The following PCDHGA1 variants were observed in gnomAD, a reference collection of about 807,000 sequenced individuals.
PCDHGA1 encodes the protein protocadherin gamma-A1.
Under a neutral mutation model 58.0 loss-of-function variants are expected in PCDHGA1, and 32 were observed. The observed-to-expected ratio is 0.55, with a 90% CI of 0.42 to 0.74. The LOEUF (loss-of-function observed/expected upper bound fraction) is 0.74. PCDHGA1 is among the 30% of genes least tolerant of loss of function. The probability of loss-of-function intolerance (pLI) is 0.00; values close to 1 mark genes in which losing one functional copy is unlikely to be tolerated. For synonymous variants in PCDHGA1, 498 were observed against 501.1 expected (o/e 0.99, Z 0.08); for missense variants, 1,205 against 1,182.3 (o/e 1.02, Z -0.28).
chr5:141,361,949 C>A lies in PCDHGA1; in HGVS notation c.2421+28844C>A, dbSNP rs202129585. Reference sequence around the variant, plus strand: ...GACTCAGGACACAACGCTTGGCTGTCCTACCACGTGCTGCAGGCCAGCGAG... The same window carrying A: ...GACTCAGGACACAACGCTTGGCTGTACTACCACGTGCTGCAGGCCAGCGAG... On this transcript the variant is annotated intron_variant, in intron 1 of 3. Coordinates refer to ENST00000517417, the MANE Select transcript of PCDHGA1 (RefSeq NM_018912.3). 3.8e-3 allele frequency: 6,045 copies of A among 1,604,150 alleles called. 134 individuals carry two copies. The South Asian group carries it at 0.045, about 12-fold the overall frequency.
chr5:141,505,507 A>G, intron 3 of PCDHGA1, 26 bp downstream of exon 3: 1 of 1,614,004 alleles, frequency 6.2e-7, no homozygotes, highest in South Asian at 1.1e-5. Flanking sequence ...GTGTGTATGG[A>G]AGAGTGGGAG....
At chr5:141,465,767 T>A (rs1427458413) in intron 1 of PCDHGA1, among the ~76,000 whole-genome samples, 1 of 152,016 alleles carries the variant, frequency 6.6e-6, no homozygotes, top group Non-Finnish European at 1.5e-5. Context: ...TCATGTTTCA[T>A]CTCTTGTTAC....
chr5:141,352,127 C>A (rs953232371), intron 1 of PCDHGA1: 2 of 1,610,122 alleles, frequency 1.2e-6, no homozygotes, highest in Non-Finnish European at 1.7e-6. Context: ...GGGTGAGGTG[C>A]GCACAGCGCG....
Position 141,331,327 on chromosome 5 carries a change from T to C in PCDHGA1, c.643T>C (p.Ser215Pro), listed in dbSNP as rs116468502. Residue 215 changes from serine (S) to proline (P), a missense_variant, in exon 1 of 4, where the codon TCT becomes CCT. Coordinates refer to ENST00000517417, the MANE Select transcript of PCDHGA1 (RefSeq NM_018912.3). Reference sequence around the variant, plus strand: ...TGTCCACCACCTCATCCTCACAGCTTCTGATGGGGGTGAACCAGTCCGTTC... The same window carrying C: ...TGTCCACCACCTCATCCTCACAGCTCCTGATGGGGGTGAACCAGTCCGTTC... ...EAVHHLILTA[S>P]DGGEPVRSGT... The C allele has an allele frequency of 6.2e-6, 10 of 1,614,030 alleles. No individual in the cohort carries two copies. In the Admixed American group the frequency reaches 1.3e-4, roughly 22 times the overall value.
chr5:141,389,208 G>A (rs762367131), intron 1 of PCDHGA1: 7 of 1,613,930 alleles, frequency 4.3e-6, no homozygotes, highest in Non-Finnish European at 5.9e-6. Context: ...GCACATTGGT[G>A]ATGTAAATGA....
intron 1 of PCDHGA1, chr5:141,412,334 T>C (rs371361193): frequency 2.0e-5 from 3 of 152,262 alleles, no homozygotes; most frequent in Admixed American, 1.3e-4. Flanking sequence ...GCAACTGTAA[T>C]ATATGTTCAT....
intron 1 of PCDHGA1, among the ~76,000 whole-genome samples, chr5:141,469,212 G>A (rs114294512): frequency 0.021 from 3,174 of 151,360 alleles, 54 homozygotes; most frequent in Non-Finnish European, 0.032. Flanking sequence ...TTGAAGTTGA[G>A]GCTTCAGTGA....
chr5:141,332,165 A>T lies in PCDHGA1; in HGVS notation c.1481A>T (p.Asp494Val), dbSNP rs146367786. The T allele has an allele frequency of 6.2e-7, 1 of 1,614,170 alleles. No homozygotes were observed. Among genetic ancestry groups the T allele is most frequent in the South Asian group, 1.1e-5 (1 of 91,076 alleles). The change falls in exon 1 of 4, where the codon GAC becomes GTC. Residue 494 changes from aspartate to valine, a missense_variant. Transcript: ENST00000517417. This position sits in a 1 kb window ranked among gnomAD's most constrained non-coding sequence, Gnocchi z 4.6. ...CAAATCACTTACTCCCTAATAGAGG[A>T]CACTATCCAGGGGGCACCCCTATCT... ...NAQITYSLIE[D>V]TIQGAPLSAY...
intron 1 of PCDHGA1, chr5:141,408,696 A>G (rs768439069): frequency 6.2e-7 from 1 of 1,613,648 alleles, no homozygotes; most frequent in East Asian, 2.2e-5. Context: ...ATAAACATAA[A>G]CTCAATTAAA....
intron 1 of PCDHGA1, among the ~76,000 whole-genome samples, chr5:141,373,006 G>GCCT (rs775944130): frequency 4.6e-5 from 7 of 152,146 alleles, no homozygotes; most frequent in Non-Finnish European, 8.8e-5. Context: ...TTCATAGAAA[G>GCCT]CCTCCTTTTG....
At position 141,486,637 on chromosome 5, in the gene PCDHGA1, G is replaced by C. The variant is rs761072169; in HGVS notation, c.2422-8170G>C. 28 of 1,613,638 alleles carry C rather than the reference G, an allele frequency of 1.7e-5. No homozygotes were observed. The highest frequency in any genetic ancestry group is 1.1e-5 in the Non-Finnish European group (13 of 1,180,034). ...CTGACCCAGACTCTGGCTTGAATGC[G>C]CTTATCTCCTACTCACTCCTGGAGC... On this transcript the variant is annotated intron_variant, in intron 1 of 3. Transcript: ENST00000517417. This position sits in a 1 kb window ranked among gnomAD's most constrained non-coding sequence, Gnocchi z 5.0.
rs534304763 is a variant in PCDHGA1 at position 141,394,533 on chromosome 5, G to T, written c.2421+61428G>T. 2 of 1,614,092 alleles carry T rather than the reference G, an allele frequency of 1.2e-6. No individual in the cohort carries two copies. The highest frequency in any genetic ancestry group is 3.3e-5 in the Admixed American group (2 of 60,014). On this transcript the variant is annotated intron_variant, in intron 1 of 3. Transcript: ENST00000517417. Reference sequence around the variant, plus strand: ...CGCCCTCCCCACAGACGGTTCCACTGGCGTGGAGCTGGCGCCCCGCTCCGC... The same window carrying T: ...CGCCCTCCCCACAGACGGTTCCACTTGCGTGGAGCTGGCGCCCCGCTCCGC...
intron 1 of PCDHGA1, chr5:141,391,295 G>A (rs1373471979): frequency 6.6e-6 from 1 of 151,134 alleles, no homozygotes; most frequent in Non-Finnish European, 1.5e-5. Context: ...AGAAGGAAAC[G>A]TCTTTCGATT....
rs1340147578 is a variant in PCDHGA1, at chr5:141,487,141, T to C, written c.2422-7666T>C. On this transcript the variant is annotated intron_variant, in intron 1 of 3. Transcript: ENST00000517417. This position sits in a 1 kb window ranked among gnomAD's most constrained non-coding sequence, Gnocchi z 5.0. ...AGGATAGTGGTAGTCCACCACTCTCTACCTCTGTTACTCTCTTAGTGTCCT... is the reference window on the plus strand; with the variant it reads ...AGGATAGTGGTAGTCCACCACTCTCCACCTCTGTTACTCTCTTAGTGTCCT... The C allele has an allele frequency of 1.2e-6, 2 of 1,613,882 alleles. No individual in the cohort carries two copies. Among genetic ancestry groups the C allele is most frequent in the African/African-American group, 2.7e-5 (2 of 74,934 alleles).
chr5:141,457,058 T>A (rs756862311), intron 1 of PCDHGA1, among the ~76,000 whole-genome samples: 2 of 152,230 alleles, frequency 1.3e-5, no homozygotes, highest in Non-Finnish European at 2.9e-5. Flanking sequence ...TCATGCTTCC[T>A]TTTTGCCAGT....
At chr5:141,410,576 C>A (rs533810160) in intron 1 of PCDHGA1, 1 of 1,611,270 alleles carries the variant, frequency 6.2e-7, no homozygotes, top group African/African-American at 1.3e-5. Flanking sequence ...AATTCCACCT[C>A]ATGGTGGGGA....
chr5:141,399,890 T>A, intron 1 of PCDHGA1: 1 of 1,612,638 alleles, frequency 6.2e-7, no homozygotes, highest in South Asian at 1.1e-5. Context: ...ACCAAGGTAG[T>A]GGCCGTGGAC....
chr5:141,407,947 G>C (rs910743144), intron 1 of PCDHGA1: 7 of 561,352 alleles, frequency 1.2e-5, no homozygotes, highest in South Asian at 3.4e-5. Context: ...CGCCGCTGTC[G>C]GCCAGTGCAG....
chr5:141,491,571 C>CT lies in PCDHGA1; in HGVS notation c.2422-3232dup. On this transcript the variant is annotated intron_variant, in intron 1 of 3. Coordinates refer to ENST00000517417, the MANE Select transcript of PCDHGA1 (RefSeq NM_018912.3). The surrounding 1 kb of genome is among the most constrained non-coding windows in gnomAD (Gnocchi z 6.9). ...CGCAGAGCCACTGCTACAGGACGTG[C>CT]TTTTCACCGGCCTCGGACGGCAGTG... 6.2e-7 allele frequency: 1 copy of CT among 1,614,026 alleles called. No homozygotes were observed. Among genetic ancestry groups the CT allele is most frequent in the Non-Finnish European group, 8.5e-7 (1 of 1,180,042 alleles).
Sources: gnomAD v4.1 joint callset for allele counts (sites outside exome capture counted in the v4.1 genomes callset) on GRCh38, gnomAD v4.1.1 for gene constraint, Gnocchi (gnomAD v3.1) non-coding constraint, MANE v1.5 for transcripts, NCBI Gene and HGNC (gene_info 2026-07-23, HGNC 2026-07-21) for gene names.